Variants in C12orf42 observed in about 807,000 individuals in gnomAD.
C12orf42 encodes uncharacterized protein C12orf42.
C12orf42 carries 25 observed loss-of-function variants against 21.6 expected under a neutral mutation model. That is an observed-to-expected ratio of 1.16 (90% CI 0.84 to 1.62). C12orf42 has a LOEUF of 1.62. C12orf42 is among the 40% of genes most tolerant of loss of function. The pLI, the probability that C12orf42 is intolerant of heterozygous loss-of-function variation, is 0.00. For missense variants in C12orf42, 483 were observed against 459.3 expected, an observed-to-expected ratio of 1.05 and a Z score of -0.47; for synonymous variants, 174 against 175.0, an observed-to-expected ratio of 0.99 and a Z score of 0.05.
chr12:103,306,367 G>T lies in C12orf42; in HGVS notation c.260-22C>A, dbSNP rs541705540. The T allele has an allele frequency of 5.8e-6, 9 of 1,559,494 alleles. No homozygotes were observed. In the African/African-American group the frequency reaches 8.2e-5, roughly 14 times the overall value. ...AATACTGTGAAAGGTAAATACATTC[G>T]TTTGAAAAATTCACCAAAAACACCT... On this transcript the variant is annotated intron_variant, in intron 4 of 5. Transcript: ENST00000548883.
At chr12:103,125,764 AC>A in the C12orf42 span, among the ~76,000 whole-genome samples, 1 of 152,152 alleles carries the variant, frequency 6.6e-6, no homozygotes, top group African/African-American at 2.4e-5. Context: ...TCCCATTAAA[AC>A]CACATACATG....
intron 4 of C12orf42, among the ~76,000 whole-genome samples, chr12:103,358,003 T>C (rs2043738476): frequency 6.6e-6 from 1 of 152,088 alleles, no homozygotes. Context: ...CCACCTTGTA[T>C]GTCTAAAAAT....
intron 4 of C12orf42, among the ~76,000 whole-genome samples, chr12:103,313,944 G>A (rs565614885): frequency 3.9e-5 from 6 of 152,264 alleles, no homozygotes; most frequent in Admixed American, 1.3e-4. Context: ...GGGGGAAGGC[G>A]GCAAAAGCAG....
At chr12:103,180,731 C>A in the C12orf42 span, among the ~76,000 whole-genome samples, 1 of 141,292 alleles carries the variant, frequency 7.1e-6, no homozygotes, top group Non-Finnish European at 1.5e-5. Context: ...TGGGTTCAAG[C>A]GATTCTCCTG....
intron 2 of C12orf42, among the ~76,000 whole-genome samples, chr12:103,474,705 T>G (rs542608855): frequency 2.2e-4 from 33 of 152,314 alleles, no homozygotes; most frequent in African/African-American, 7.7e-4. Context: ...AGATTTTCCT[T>G]TATTATTAAT....
the C12orf42 span, among the ~76,000 whole-genome samples, chr12:103,117,006 C>T: frequency 5.3e-5 from 8 of 152,016 alleles, no homozygotes; most frequent in African/African-American, 1.9e-4. Flanking sequence ...TTAGCATATC[C>T]ATCATCTCAA....
chr12:103,206,964 C>A, the C12orf42 span, among the ~76,000 whole-genome samples: 1 of 152,166 alleles, frequency 6.6e-6, no homozygotes, highest in Non-Finnish European at 1.5e-5. Context: ...GAGATTATGT[C>A]ACTGTGCCTC....
At chr12:103,489,336 G>A (rs543294625) in intron 1 of C12orf42, among the ~76,000 whole-genome samples, 1 of 152,272 alleles carries the variant, frequency 6.6e-6, no homozygotes, top group Admixed American at 6.5e-5. Flanking sequence ...TATCCCAGAG[G>A]GGCACCCACC....
chr12:103,147,623 CTTTTTTTT>C, the C12orf42 span, among the ~76,000 whole-genome samples: 12 of 99,282 alleles, frequency 1.2e-4, no homozygotes, highest in South Asian at 1.4e-3. Context: ...TTCTCTCTCT[CTTTTTTTT>C]TTTTTTTTTT....
chr12:103,111,590 TA>T, the C12orf42 span, among the ~76,000 whole-genome samples: 1 of 152,320 alleles, frequency 6.6e-6, no homozygotes, highest in Middle Eastern at 3.4e-3. Flanking sequence ...TGAGAAATGG[TA>T]GACAGATTCA....
chr12:103,283,830 A>C (rs539401847), intron 4 of C12orf42, among the ~76,000 whole-genome samples: 2 of 152,322 alleles, frequency 1.3e-5, no homozygotes, highest in African/African-American at 4.8e-5. Flanking sequence ...TGTTTTGTAA[A>C]TGATCGAATG....
At chr12:103,198,304 A>G in the C12orf42 span, among the ~76,000 whole-genome samples, 517 of 152,274 alleles carry the variant, frequency 3.4e-3, 1 homozygote, top group African/African-American at 0.012. Flanking sequence ...AGAAGGAGCT[A>G]TGACAGTGGC....
At chr12:103,212,562 A>C in the C12orf42 span, among the ~76,000 whole-genome samples, 1 of 152,150 alleles carries the variant, frequency 6.6e-6, no homozygotes, top group Non-Finnish European at 1.5e-5. Context: ...AAACTATTTC[A>C]TGGATAGTGT....
the C12orf42 span, among the ~76,000 whole-genome samples, chr12:103,517,552 T>A: frequency 9.5e-4 from 145 of 152,366 alleles, no homozygotes; most frequent in South Asian, 9.3e-3. Flanking sequence ...ATTAGACCTT[T>A]TTAGGTAAGT....
At chr12:103,154,520 C>T in the C12orf42 span, among the ~76,000 whole-genome samples, 11 of 151,912 alleles carry the variant, frequency 7.2e-5, no homozygotes, top group African/African-American at 2.7e-4. Flanking sequence ...CAAAACATTT[C>T]TAACTTGTAC....
In C12orf42 at chr12:103,429,592, C is replaced by T. The variant is rs376476517; in HGVS notation, c.79-27917G>A. On this transcript the variant is annotated intron_variant, in intron 2 of 5. Coordinates refer to ENST00000548883, the MANE Select transcript of C12orf42 (RefSeq NM_198521.5). Reference sequence around the variant, plus strand: ...GCTATCCCCATCAAGCTACCATTGACTTTCTTCACAGAATTAGAAAAAACT... The same window carrying T: ...GCTATCCCCATCAAGCTACCATTGATTTTCTTCACAGAATTAGAAAAAACT... 4.4e-4 allele frequency among the ~76,000 whole-genome samples: 67 copies of T among 152,308 alleles called. No homozygotes were observed. In the East Asian group the frequency reaches 0.011, roughly 24 times the overall value.
chr12:103,439,435 C>T (rs1369734692), intron 2 of C12orf42, among the ~76,000 whole-genome samples: 1 of 128,074 alleles, frequency 7.8e-6, no homozygotes. Context: ...AGAGCTTCTG[C>T]ACAGCAAAAG....
At chr12:103,292,083 G>A (rs2036863962) in intron 4 of C12orf42, among the ~76,000 whole-genome samples, 1 of 152,058 alleles carries the variant, frequency 6.6e-6, no homozygotes, top group Admixed American at 6.6e-5. Flanking sequence ...ATATTATTTG[G>A]CCATTAAAAA....
intron 2 of C12orf42, among the ~76,000 whole-genome samples, chr12:103,424,081 T>C (rs1479048448): frequency 6.6e-6 from 1 of 152,056 alleles, no homozygotes. Flanking sequence ...CATTGCAACT[T>C]AACTTACTAG....
Sources: gnomAD v4.1 joint callset for allele counts (sites outside exome capture counted in the v4.1 genomes callset) on GRCh38, gnomAD v4.1.1 for gene constraint, MANE v1.5 for transcripts, NCBI Gene and HGNC (gene_info 2026-07-23, HGNC 2026-07-21) for gene names.